The following C11orf65 variants were observed in gnomAD, a reference collection of about 807,000 sequenced individuals.
The protein encoded by C11orf65 is protein MFI.
Under a neutral mutation model 35.3 loss-of-function variants are expected in C11orf65, and 38 were observed. The ratio of observed to expected loss-of-function variants is 1.08; its 90% confidence interval spans 0.83 to 1.41. The LOEUF (loss-of-function observed/expected upper bound fraction) is 1.41, where lower values mean the gene tolerates loss of function less well. Ranked by LOEUF, C11orf65 falls within the 40% of genes most tolerant of loss-of-function variation. The pLI is 0.00. For synonymous variants in C11orf65, 105 were observed against 114.4 expected, an observed-to-expected ratio of 0.92 and a Z score of 0.53; for missense variants, 370 against 367.1, an observed-to-expected ratio of 1.01 and a Z score of -0.06.
downstream of C11orf65, chr11:108,328,873 G>T: frequency 1.2e-6 from 1 of 867,518 alleles, no homozygotes; most frequent in Non-Finnish European, 1.8e-6. Context: ...TGGGCCGTGG[G>T]TTGGACAAGT....
intron 2 of C11orf65, chr11:108,354,952 T>A (rs2137363519): frequency 8.6e-7 from 1 of 1,158,840 alleles, no homozygotes; most frequent in Non-Finnish European, 1.3e-6. Context: ...GTCACTGATG[T>A]GAAGAGCACT....
Position 108,413,690 on chromosome 11 carries a change from T to C in C11orf65, c.175-6541A>G, listed in dbSNP as rs180742055. ...CATATATGGGCCTATCTTAACAAATTTAAAAGGAATAGAAATCATACAAAG... is the reference window on the plus strand; with the variant it reads ...CATATATGGGCCTATCTTAACAAATCTAAAAGGAATAGAAATCATACAAAG... On this transcript the variant is annotated intron_variant, in intron 3 of 8. Coordinates refer to ENST00000393084, the MANE Select transcript of C11orf65 (RefSeq NM_152587.5). Among the ~76,000 whole-genome samples, 11 of 152,144 alleles carry C rather than the reference T, an allele frequency of 7.2e-5. No homozygotes were observed. In the East Asian group the frequency reaches 7.7e-4, roughly 11 times the overall value.
intron 2 of C11orf65, among the ~76,000 whole-genome samples, chr11:108,370,612 G>GTTTTTTTTTTTTTTTT (rs199864432): frequency 6.8e-6 from 1 of 147,280 alleles, no homozygotes. Context: ...TTGCTGCAGG[G>GTTTTTTTTTTTTTTTT]TTTTGTTTTG....
downstream of C11orf65, chr11:108,330,561 T>C (rs1468740614): frequency 3.4e-6 from 3 of 871,740 alleles, no homozygotes; most frequent in African/African-American, 3.4e-5. Flanking sequence ...ATTTTGTAGT[T>C]TTCTAAACTT....
At chr11:108,383,391 G>A (rs1385144052) in intron 8 of C11orf65, among the ~76,000 whole-genome samples, 1 of 152,156 alleles carries the variant, frequency 6.6e-6, no homozygotes, top group Non-Finnish European at 1.5e-5. Context: ...CAGGACCTGG[G>A]TTTTAGGTCT....
chr11:108,344,830 C>T (rs1264405894), intron 2 of C11orf65, among the ~76,000 whole-genome samples: 1 of 151,594 alleles, frequency 6.6e-6, no homozygotes, highest in Non-Finnish European at 1.5e-5. Flanking sequence ...ATAGTGAGAC[C>T]ACATCTCTAC....
chr11:108,465,772 G>T (rs1591631263), intron 1 of C11orf65, among the ~76,000 whole-genome samples: 1 of 151,992 alleles, frequency 6.6e-6, no homozygotes, highest in Non-Finnish European at 1.5e-5. Flanking sequence ...ATCATCTGAG[G>T]TTGGGAGTTT....
downstream of C11orf65, chr11:108,330,516 C>G: frequency 7.8e-7 from 1 of 1,277,304 alleles, no homozygotes; most frequent in Non-Finnish European, 1.1e-6. Context: ...CTTTGTATTC[C>G]TAGCACTTGG....
At chr11:108,412,368 G>A (rs945815173) in intron 3 of C11orf65, among the ~76,000 whole-genome samples, 3 of 151,770 alleles carry the variant, frequency 2.0e-5, no homozygotes, top group African/African-American at 7.3e-5. Flanking sequence ...AATATCGATT[G>A]AACTATATCA....
chr11:108,318,223 G>A (rs1445666109), intron 6 of C11orf65, among the ~76,000 whole-genome samples: 1 of 151,984 alleles, frequency 6.6e-6, no homozygotes, highest in Admixed American at 6.6e-5. Flanking sequence ...TTAGCCAGGC[G>A]TGGCAGCATG....
At chr11:108,316,145 C>A in intron 6 of C11orf65, 1 of 1,578,910 alleles carries the variant, frequency 6.3e-7, no homozygotes, top group Non-Finnish European at 8.7e-7. Flanking sequence ...GTAAAGCCAT[C>A]ACTAGTGTAG....
chr11:108,318,008 A>G (rs2084897501), intron 6 of C11orf65, among the ~76,000 whole-genome samples: 1 of 152,082 alleles, frequency 6.6e-6, no homozygotes, highest in Non-Finnish European at 1.5e-5. Context: ...TAGCACTTAT[A>G]TTGGCTGGAG....
chr11:108,329,129 A>C (rs777423778), downstream of C11orf65: 1 of 1,614,138 alleles, frequency 6.2e-7, no homozygotes, highest in Non-Finnish European at 8.5e-7. Context: ...TCAATACCAA[A>C]GAATTGAAAA....
chr11:108,362,594 A>G (rs1203518238), intron 2 of C11orf65, among the ~76,000 whole-genome samples: 1 of 150,174 alleles, frequency 6.7e-6, no homozygotes, highest in Admixed American at 6.7e-5. Context: ...TGTAGCACAT[A>G]TACACCATGG....
chr11:108,408,827 G>A lies in C11orf65; in HGVS notation c.175-1678C>T, dbSNP rs182060798. ...AGAAAAAAATTCTTGGTCCTTTATC[G>A]GAAGACAGTTCAATCTTGTCTCCTG... On this transcript the variant is annotated intron_variant, in intron 3 of 8. Transcript: ENST00000393084. Among the ~76,000 whole-genome samples the A allele has an allele frequency of 8.7e-4, 132 of 151,528 alleles. 1 individual carries two copies. Among genetic ancestry groups the A allele is most frequent in the African/African-American group, 2.6e-3 (107 of 41,394 alleles).
At chr11:108,370,809 C>G (rs2091549055) in intron 2 of C11orf65, among the ~76,000 whole-genome samples, 1 of 152,062 alleles carries the variant, frequency 6.6e-6, no homozygotes, top group African/African-American at 2.4e-5. Context: ...GTTAAATCAT[C>G]TTATACTCCT....
intron 1 of C11orf65, among the ~76,000 whole-genome samples, chr11:108,467,045 C>G (rs190176564): frequency 6.6e-6 from 1 of 151,936 alleles, no homozygotes; most frequent in Non-Finnish European, 1.5e-5. Context: ...ACTGAAAAGA[C>G]GTAAAACAAA....
At chr11:108,444,058 T>C (rs2093208282) in intron 2 of C11orf65, among the ~76,000 whole-genome samples, 1 of 151,864 alleles carries the variant, frequency 6.6e-6, no homozygotes, top group African/African-American at 2.4e-5. Context: ...ATCAACAAAA[T>C]TGATAGACCA....
At chr11:108,433,767 A>T (rs1377821762) in intron 2 of C11orf65, among the ~76,000 whole-genome samples, 1 of 151,748 alleles carries the variant, frequency 6.6e-6, no homozygotes, top group Non-Finnish European at 1.5e-5. Flanking sequence ...AAAAGGTGGG[A>T]CTCACAGGAA....
Sources: gnomAD v4.1 joint callset for allele counts (sites outside exome capture counted in the v4.1 genomes callset) on GRCh38, gnomAD v4.1.1 for gene constraint, MANE v1.5 for transcripts, NCBI Gene and HGNC (gene_info 2026-07-23, HGNC 2026-07-21) for gene names.